FGF14: variants seen among roughly 807,000 people sequenced by gnomAD.
FGF14 encodes the protein fibroblast growth factor homologous factor 4.
Under a neutral mutation model 25.5 loss-of-function variants are expected in FGF14, and 5 were observed. The observed-to-expected ratio is 0.20, with a 90% CI of 0.10 to 0.41. The LOEUF (loss-of-function observed/expected upper bound fraction) is 0.41. Among genes scored for constraint, FGF14 ranks in the 10% least tolerant of loss-of-function variants. The pLI is 1.00. For synonymous variants in FGF14, 138 were observed against 118.3 expected (o/e 1.17, Z -1.08); for missense variants, 222 against 320.1 (o/e 0.69, Z 2.34).
intron 1 of FGF14, among the ~76,000 whole-genome samples, chr13:102,342,063 A>C (rs2056968483): frequency 6.6e-6 from 1 of 152,188 alleles, no homozygotes; most frequent in Admixed American, 6.5e-5. Flanking sequence ...ATTTCAGTAG[A>C]AAATCAGTGT....
intron 1 of FGF14, among the ~76,000 whole-genome samples, chr13:101,965,198 G>A (rs140079435): frequency 1.3e-3 from 191 of 151,306 alleles, no homozygotes; most frequent in African/African-American, 4.4e-3. Context: ...GCAGTCAGCC[G>A]AGATCAAGTC....
intron 1 of FGF14, among the ~76,000 whole-genome samples, chr13:101,932,533 C>CAA (rs60522790): frequency 5.1e-5 from 4 of 79,064 alleles, no homozygotes; most frequent in African/African-American, 5.3e-5. Flanking sequence ...GACTCCATGT[C>CAA]AAAAAAAAAA....
chr13:102,196,475 C>T (rs1243363673), intron 1 of FGF14, among the ~76,000 whole-genome samples: 1 of 152,096 alleles, frequency 6.6e-6, no homozygotes, highest in African/African-American at 2.4e-5. Context: ...CTCAGTTTGC[C>T]TAGTACTGAA....
chr13:102,001,825 A>G (rs536575228), intron 1 of FGF14, among the ~76,000 whole-genome samples: 49 of 152,306 alleles, frequency 3.2e-4, no homozygotes, highest in African/African-American at 1.1e-3. Context: ...CAAGAAAACC[A>G]GAGAAAGAGA....
At chr13:101,902,761 C>G (rs919748261) in intron 1 of FGF14, among the ~76,000 whole-genome samples, 3 of 152,176 alleles carry the variant, frequency 2.0e-5, no homozygotes, top group African/African-American at 7.2e-5. Context: ...TGCTCAAAAT[C>G]CTGTCATGGT....
chr13:101,803,543 T>A (rs2041021787), intron 3 of FGF14, among the ~76,000 whole-genome samples: 1 of 147,590 alleles, frequency 6.8e-6, no homozygotes. Context: ...GCAATATTGT[T>A]TTTTTGTATG....
Position 101,715,240 on chromosome 13 carries a change from T to C in FGF14, c.*7591A>G, listed in dbSNP as rs1023673745. 1.3e-5 allele frequency: 3 copies of C among 232,190 alleles called. No individual in the cohort carries two copies. Among genetic ancestry groups the C allele is most frequent in the Non-Finnish European group, 2.5e-5 (3 of 117,742 alleles). 14.4% of individuals were successfully genotyped at this position (232,190 alleles called of 1,614,324 possible). The stretch of plus-strand genomic sequence containing the variant: ...ATGTTATGTCAAAGAGCCTTATGTT[T>C]TTCTGTATTTATTCATAAGTCAGAT... On this transcript the variant is annotated 3_prime_UTR_variant, in exon 5 of 5. Coordinates refer to ENST00000376143, the MANE Select transcript of FGF14 (RefSeq NM_004115.4).
intron 1 of FGF14, among the ~76,000 whole-genome samples, chr13:102,205,569 G>A (rs557785256): frequency 2.0e-5 from 3 of 151,882 alleles, no homozygotes; most frequent in Non-Finnish European, 4.4e-5. Context: ...GTCAGAGGGG[G>A]AGGAATTAAT....
chr13:102,167,351 G>A (rs764620274), intron 1 of FGF14, among the ~76,000 whole-genome samples: 4 of 147,892 alleles, frequency 2.7e-5, no homozygotes, highest in Non-Finnish European at 5.9e-5. Flanking sequence ...TGTTACCTCA[G>A]GTTGCGTCTA....
intron 1 of FGF14, among the ~76,000 whole-genome samples, chr13:102,173,814 T>A (rs945394430): frequency 1.3e-5 from 2 of 152,000 alleles, no homozygotes; most frequent in African/African-American, 2.4e-5. Flanking sequence ...TATCAAAAGC[T>A]GAGGGTAGGG....
intron 1 of FGF14, among the ~76,000 whole-genome samples, chr13:102,212,060 A>C (rs1566822577): frequency 6.6e-6 from 1 of 152,078 alleles, no homozygotes; most frequent in African/African-American, 2.4e-5. Flanking sequence ...GTTTTCTCTC[A>C]TTAGAGGACG....
intron 1 of FGF14, among the ~76,000 whole-genome samples, chr13:102,346,428 G>A (rs565411479): frequency 6.6e-6 from 1 of 150,582 alleles, no homozygotes; most frequent in East Asian, 1.9e-4. Flanking sequence ...GCAATGGGAT[G>A]TACAGCCTAG....
chr13:101,951,902 T>A (rs1463170531), intron 1 of FGF14, among the ~76,000 whole-genome samples: 1 of 152,182 alleles, frequency 6.6e-6, no homozygotes, highest in Non-Finnish European at 1.5e-5. Flanking sequence ...CATATTCAAT[T>A]TCTTGGAATC....
intron 1 of FGF14, among the ~76,000 whole-genome samples, chr13:102,226,215 G>T (rs1454345679): frequency 1.3e-5 from 2 of 152,224 alleles, no homozygotes; most frequent in South Asian, 2.1e-4. Context: ...ATCAGAACTT[G>T]GTCATTTATT....
At chr13:101,936,007 C>A (rs1266564042) in intron 1 of FGF14, among the ~76,000 whole-genome samples, 6 of 152,174 alleles carry the variant, frequency 3.9e-5, no homozygotes, top group Admixed American at 3.9e-4. Flanking sequence ...TTAAGGTAGT[C>A]ATAGAAAGGA....
intron 1 of FGF14, among the ~76,000 whole-genome samples, chr13:102,271,735 C>A: frequency 6.6e-6 from 1 of 152,170 alleles, no homozygotes; most frequent in South Asian, 2.1e-4. Flanking sequence ...TATCATCGAG[C>A]ACTTTTGGAT....
intron 2 of FGF14, among the ~76,000 whole-genome samples, chr13:101,872,567 C>A (rs1345473284): frequency 1.3e-5 from 2 of 151,862 alleles, no homozygotes; most frequent in Non-Finnish European, 2.9e-5. Flanking sequence ...TCTTTAAATT[C>A]ATCCTAAGAA....
chr13:101,985,962 G>T (rs2038554977), intron 1 of FGF14, among the ~76,000 whole-genome samples: 1 of 152,038 alleles, frequency 6.6e-6, no homozygotes, highest in Non-Finnish European at 1.5e-5. Flanking sequence ...TAAGATAAGG[G>T]TTTACATTTC....
chr13:102,242,576 C>T (rs979190222), intron 1 of FGF14, among the ~76,000 whole-genome samples: 1 of 151,930 alleles, frequency 6.6e-6, no homozygotes, highest in African/African-American at 2.4e-5. Flanking sequence ...GAATATGAGC[C>T]CACTCTCATG....
Sources: allele counts gnomAD v4.1 joint callset (sites outside exome capture counted in the v4.1 genomes callset), GRCh38; gene constraint gnomAD v4.1.1; transcripts MANE v1.5; gene names NCBI Gene and HGNC (gene_info 2026-07-23, HGNC 2026-07-21).